PDZD9: variants seen among roughly 807,000 people sequenced by gnomAD.
The protein encoded by PDZD9 is PDZ domain-containing protein 9.
A neutral mutation model predicts 16.3 loss-of-function variants in PDZD9; 13 were observed. The ratio of observed to expected loss-of-function variants is 0.80; its 90% CI spans 0.52 to 1.27. The LOEUF is 1.27. Among genes scored for constraint, PDZD9 ranks in the 50% most tolerant of loss-of-function variants. PDZD9 has a pLI of 0.00. For missense variants in PDZD9, 288 were observed against 310.9 expected (o/e 0.93, Z 0.55); for synonymous variants, 120 against 111.0 (o/e 1.08, Z -0.51).
chr16:21,976,980 G>A, the PDZD9 span: 1 of 152,008 alleles, frequency 6.6e-6, no homozygotes, highest in Non-Finnish European at 1.5e-5. Context: ...TACTTTCTTG[G>A]TGTAGATTCC....
downstream of PDZD9, among the ~76,000 whole-genome samples, chr16:21,982,426 G>A (rs1196212756): frequency 2.0e-5 from 3 of 152,082 alleles, no homozygotes; most frequent in African/African-American, 7.2e-5. Flanking sequence ...TTGTAATACC[G>A]AAACAGGAAA....
At chr16:21,981,462 T>TA (rs1364287464), downstream of PDZD9, among the ~76,000 whole-genome samples, 1 of 151,842 alleles carries the variant, frequency 6.6e-6, no homozygotes, top group Non-Finnish European at 1.5e-5. Context: ...TAAGAAAAAA[T>TA]AAAAAACTAA....
downstream of PDZD9, among the ~76,000 whole-genome samples, chr16:21,981,944 C>A (rs895353556): frequency 4.6e-5 from 7 of 151,278 alleles, no homozygotes; most frequent in South Asian, 1.3e-3. Context: ...GGGTTCACGC[C>A]ATTTTCCTGC....
the PDZD9 span, chr16:21,962,655 A>G: frequency 6.3e-7 from 1 of 1,592,704 alleles, no homozygotes; most frequent in South Asian, 1.1e-5. Context: ...AACACTGCTT[A>G]CCACAAGACC....
intron 2 of PDZD9, among the ~76,000 whole-genome samples, chr16:21,994,413 C>T (rs1899095933): frequency 6.6e-6 from 1 of 152,222 alleles, no homozygotes; most frequent in South Asian, 2.1e-4. Context: ...CTCCCCAACT[C>T]CTGGGCACAG....
chr16:21,968,504 A>T, the PDZD9 span: 1 of 702,458 alleles, frequency 1.4e-6, no homozygotes, highest in Non-Finnish European at 2.2e-6. Flanking sequence ...AGTACCTTGT[A>T]GTTCATTACA....
rs1459366912 is a variant in PDZD9 at position 21,996,311 on chromosome 16, AGGGCAATCACCTGGCTGGAGTTTCCCG to A, written c.195_211+10del. 4 of 1,532,892 alleles carry A rather than the reference AGGGCAATCACCTGGCTGGAGTTTCCCG, an allele frequency of 2.6e-6. No individual in the cohort carries two copies. The Admixed American group carries it at 7.9e-5, about 30-fold the overall frequency. The allele number at this position is 1,532,892 out of a possible 1,614,324, so 95.0% of individuals were successfully genotyped here. On this transcript the variant is annotated splice_donor_variant and splice_donor_5th_base_variant and coding_sequence_variant and intron_variant, in exon 2 of 4. Transcript: ENST00000424898. LOFTEE classifies it high-confidence loss of function. Reference sequence around the variant, plus strand: ...ATGGGTGGTTGGGAAGCATGGCGAAAGGGCAATCACCTGGCTGGAGTTTCCCGTCGTTGGCTGCAGCCCCCTTCCTGA... The same window carrying A: ...ATGGGTGGTTGGGAAGCATGGCGAAATCGTTGGCTGCAGCCCCCTTCCTGA...
the PDZD9 span, chr16:21,971,878 G>A: frequency 6.2e-7 from 1 of 1,608,446 alleles, no homozygotes; most frequent in African/African-American, 1.3e-5. Context: ...AACCAATGGT[G>A]AACAAGCCAT....
the PDZD9 span, among the ~76,000 whole-genome samples, chr16:21,961,624 A>ATT: frequency 3.5e-5 from 3 of 85,302 alleles, no homozygotes; most frequent in Non-Finnish European, 4.8e-5. Flanking sequence ...ATAACATAAA[A>ATT]TTTATATATA....
chr16:21,963,801 C>T, the PDZD9 span, among the ~76,000 whole-genome samples: 2 of 151,994 alleles, frequency 1.3e-5, no homozygotes, highest in Non-Finnish European at 1.5e-5. Context: ...TTTGCTTACC[C>T]CAAATCCTAC....
downstream of PDZD9, among the ~76,000 whole-genome samples, chr16:21,982,092 A>G (rs1898745178): frequency 6.6e-6 from 1 of 151,938 alleles, no homozygotes. Flanking sequence ...CACCCGCCTC[A>G]GCCTTCCAAA....
At chr16:21,989,274 T>C (rs531293380) in intron 2 of PDZD9, among the ~76,000 whole-genome samples, 2 of 152,270 alleles carry the variant, frequency 1.3e-5, no homozygotes, top group Admixed American at 1.3e-4. Context: ...ATGATATGAA[T>C]GTCCTTTGCA....
chr16:21,962,603 C>T, the PDZD9 span: 2 of 1,595,668 alleles, frequency 1.3e-6, no homozygotes, highest in Non-Finnish European at 1.7e-6. Flanking sequence ...TCATTATGAC[C>T]TCTGACTTCC....
chr16:21,962,482 A>G, the PDZD9 span: 3 of 1,614,098 alleles, frequency 1.9e-6, no homozygotes, highest in Non-Finnish European at 2.5e-6. Flanking sequence ...AAGGGAAAAC[A>G]TGGCTTATAC....
the PDZD9 span, chr16:21,957,588 A>C: frequency 6.2e-7 from 1 of 1,610,822 alleles, no homozygotes; most frequent in Non-Finnish European, 8.5e-7. Flanking sequence ...CACTTCCTCA[A>C]GTGTTTGGAA....
At chr16:21,976,020 A>G in the PDZD9 span, 2 of 552,254 alleles carry the variant, frequency 3.6e-6, no homozygotes, top group Admixed American at 6.5e-5. Context: ...AGGAACCCAT[A>G]GTGATGACAG....
the PDZD9 span, among the ~76,000 whole-genome samples, chr16:21,977,295 A>G: frequency 6.6e-6 from 1 of 152,140 alleles, no homozygotes; most frequent in Non-Finnish European, 1.5e-5. Flanking sequence ...TTGAGGCTGC[A>G]GTGAACTAAG....
At chr16:21,983,336 C>G (rs1356018658), downstream of PDZD9, 1 of 579,734 alleles carries the variant, frequency 1.7e-6, no homozygotes, top group East Asian at 3.0e-5. Flanking sequence ...GTCAATAAAA[C>G]ATTCTGTTTA....
At chr16:21,961,159 A>C in the PDZD9 span, among the ~76,000 whole-genome samples, 2 of 152,160 alleles carry the variant, frequency 1.3e-5, no homozygotes, top group African/African-American at 2.4e-5. Flanking sequence ...TGTCAGTGGT[A>C]AAGATGATAG....
Sources: gnomAD v4.1 joint callset for allele counts (sites outside exome capture counted in the v4.1 genomes callset) on GRCh38, gnomAD v4.1.1 for gene constraint, MANE v1.5 for transcripts, NCBI Gene and HGNC (gene_info 2026-07-23, HGNC 2026-07-21) for gene names.